Variants in EIF3G observed in about 807,000 individuals in gnomAD.
EIF3G encodes the protein eukaryotic translation initiation factor 3 RNA-binding subunit.
A neutral mutation model predicts 41.7 loss-of-function variants in EIF3G; 10 were observed. The observed-to-expected ratio is 0.24, with a 90% CI of 0.15 to 0.41. The LOEUF (loss-of-function observed/expected upper bound fraction) is 0.41, where lower values mean the gene tolerates loss of function less well. EIF3G is among the 10% of genes least tolerant of loss of function. The pLI is 1.00. For missense variants in EIF3G, 297 were observed against 444.0 expected, an observed-to-expected ratio of 0.67 and a Z score of 2.98; for synonymous variants, 204 against 172.5, an observed-to-expected ratio of 1.18 and a Z score of -1.43.
Position 10,116,116 on chromosome 19 carries a change from C to T in EIF3G, c.596-42G>A. ...AGTCAAGTTCAACCTCACTGTGGCG[C>T]AGGCGTGGGGACAGAGCCGCCCCAG... On this transcript the variant is annotated intron_variant, in intron 7 of 10. Transcript: ENST00000253108. This position sits in a 1 kb window ranked among gnomAD's most constrained non-coding sequence, Gnocchi z 4.1. The T allele has an allele frequency of 6.3e-7, 1 of 1,588,364 alleles. No individual in the cohort carries two copies. The highest frequency in any genetic ancestry group is 8.6e-7 in the Non-Finnish European group (1 of 1,162,474).
In EIF3G at chr19:10,115,050, C is replaced by T. The variant is rs759639591; in HGVS notation, c.*64G>A. ...GAGCTGCTTTATTGCCCTTGGAGCCCGCGCTCTCGGAGGCTGTCTTCTGTC... is the reference window on the plus strand; with the variant it reads ...GAGCTGCTTTATTGCCCTTGGAGCCTGCGCTCTCGGAGGCTGTCTTCTGTC... On this transcript the variant is annotated 3_prime_UTR_variant, in exon 11 of 11. Transcript: ENST00000253108. 9.2e-5 allele frequency: 148 copies of T among 1,608,610 alleles called. 1 individual carries two copies. In the East Asian group the frequency reaches 2.0e-3, roughly 21 times the overall value.
intron 2 of EIF3G, 75 bp from the exon 3 acceptor site, chr19:10,119,246 G>A (rs1206761994): frequency 2.0e-6 from 3 of 1,471,340 alleles, no homozygotes; most frequent in East Asian, 4.9e-5. Flanking sequence ...AAGGGCTTTT[G>A]GGATGACGCC....
At chr19:10,119,231 G>A (rs745668671) in intron 2 of EIF3G, 60 bp from the exon 3 acceptor site, 7 of 1,520,718 alleles carry the variant, frequency 4.6e-6, no homozygotes, top group Non-Finnish European at 6.3e-6. Context: ...CCCCAGCTGC[G>A]ATGGAAGGGC....
chr19:10,117,206 T>C lies in EIF3G; in HGVS notation c.301-18A>G. ...TTCCAGTTCTGGGCTCAGGGAGGGATGGGGGACAGTTGAGGGCAGGGGCAG... is the reference window on the plus strand; with the variant it reads ...TTCCAGTTCTGGGCTCAGGGAGGGACGGGGGACAGTTGAGGGCAGGGGCAG... On this transcript the variant is annotated intron_variant, in intron 5 of 10. Transcript: ENST00000253108. The C allele has an allele frequency of 1.3e-6, 2 of 1,509,954 alleles. No individual in the cohort carries two copies. The highest frequency in any genetic ancestry group is 1.8e-5 in the Admixed American group (1 of 56,880). 93.5% of individuals were successfully genotyped at this position (1,509,954 alleles called of 1,614,324 possible). A position where few individuals can be genotyped will look rare whatever the true frequency, so the allele number is the denominator to read the frequency against.
chr19:10,119,304 G>A (rs992396776), intron 2 of EIF3G, 133 bp from the exon 3 acceptor site: 2 of 1,022,226 alleles, frequency 2.0e-6, no homozygotes, highest in Non-Finnish European at 1.5e-6. Context: ...GGCTGGCCAG[G>A]CAACGCACTG....
intron 1 of EIF3G, 66 bp downstream of exon 1, chr19:10,119,774 G>T: frequency 6.2e-7 from 1 of 1,613,996 alleles, no homozygotes; most frequent in East Asian, 2.2e-5. Flanking sequence ...GCGTACCCAG[G>T]CCCCATAATA....
chr19:10,117,668 G>A (rs1568495935), intron 5 of EIF3G: 1 of 155,932 alleles, frequency 6.4e-6, no homozygotes, highest in African/African-American at 2.4e-5. Context: ...ACAGCAAGCT[G>A]TTCTAAGTAT....
chr19:10,115,629 G>A (rs771915899), intron 9 of EIF3G, 44 bp from the exon 10 acceptor site: 62 of 1,611,384 alleles, frequency 3.8e-5, no homozygotes, highest in African/African-American at 5.3e-5. Context: ...TAGGACAGGC[G>A]ACCCTAGGAC....
At chr19:10,115,845 G>A in intron 8 of EIF3G, 25 bp from the exon 9 acceptor site, 1 of 1,608,826 alleles carries the variant, frequency 6.2e-7, no homozygotes, top group East Asian at 2.2e-5. Context: ...GGAGGTGGCT[G>A]TGAGGGGGAG....
rs759639591 is a variant in EIF3G, at chr19:10,115,050, C to A, written c.*64G>T. 6.2e-7 allele frequency: 1 copy of A among 1,608,484 alleles called. No homozygotes were observed. Among genetic ancestry groups the A allele is most frequent in the African/African-American group, 1.3e-5 (1 of 74,874 alleles). ...GAGCTGCTTTATTGCCCTTGGAGCC[C>A]GCGCTCTCGGAGGCTGTCTTCTGTC... On this transcript the variant is annotated 3_prime_UTR_variant, in exon 11 of 11. Transcript: ENST00000253108.
In EIF3G at chr19:10,116,736, AG is replaced by A; in HGVS notation, c.595+63del. On this transcript the variant is annotated intron_variant, in intron 7 of 10. Transcript: ENST00000253108. This position sits in a 1 kb window ranked among gnomAD's most constrained non-coding sequence, Gnocchi z 4.1. ...GCTGCACTGTCGTGCGGGAGATGAC[AG>A]CACGAAGGCAGCAGTGGGGACAGAA... The A allele has an allele frequency of 6.8e-7, 1 of 1,464,870 alleles. No individual in the cohort carries two copies. The highest frequency in any genetic ancestry group is 9.2e-7 in the Non-Finnish European group (1 of 1,091,126). 90.7% of individuals were successfully genotyped at this position (1,464,870 alleles called of 1,614,324 possible).
At chr19:10,117,366 G>A (rs2089268786) in intron 5 of EIF3G, 178 bp from the exon 6 acceptor site, 1 of 574,094 alleles carries the variant, frequency 1.7e-6, no homozygotes, top group South Asian at 2.3e-5. Flanking sequence ...GTACACGCCA[G>A]GCCTGAGCTC....
At position 10,116,681 on chromosome 19, in the gene EIF3G, C is replaced by T. The variant is rs1045061803; in HGVS notation, c.595+119G>A. The T allele has an allele frequency of 1.4e-5, 15 of 1,054,370 alleles. No homozygotes were observed. In the African/African-American group the frequency reaches 2.1e-4, roughly 14 times the overall value. 65.3% of individuals were successfully genotyped at this position (1,054,370 alleles called of 1,614,324 possible). A position where few individuals can be genotyped will look rare whatever the true frequency, so the allele number is the denominator to read the frequency against. ...ACAGCCAATTAGGAAGGCACAGACGCCCCGAGGAGAGTCTGGCACCATCAA... is the reference window on the plus strand; with the variant it reads ...ACAGCCAATTAGGAAGGCACAGACGTCCCGAGGAGAGTCTGGCACCATCAA... On this transcript the variant is annotated intron_variant, in intron 7 of 10. Coordinates refer to ENST00000253108, the MANE Select transcript of EIF3G (RefSeq NM_003755.5). The surrounding 1 kb of genome is among the most constrained non-coding windows in gnomAD (Gnocchi z 4.1).
chr19:10,117,176 A>ACTT lies in EIF3G; in HGVS notation c.310_312dup (p.Lys104dup). 1 of 1,609,730 alleles carries ACTT rather than the reference A, an allele frequency of 6.2e-7. No individual in the cohort carries two copies. Among genetic ancestry groups the ACTT allele is most frequent in the Non-Finnish European group, 8.5e-7 (1 of 1,177,922 alleles). ...GGGGGGTCAAACTCTGAGTTCCCGA[A>ACTT]CTTCTTCCAGTTCTGGGCTCAGGGA... On this transcript the variant is annotated inframe_insertion, in exon 6 of 11. Coordinates refer to ENST00000253108, the MANE Select transcript of EIF3G (RefSeq NM_003755.5).
chr19:10,119,774 G>A (rs1181411169), intron 1 of EIF3G, 66 bp downstream of exon 1: 2 of 1,613,878 alleles, frequency 1.2e-6, no homozygotes, highest in South Asian at 1.1e-5. Context: ...GCGTACCCAG[G>A]CCCCATAATA....
Position 10,115,014 on chromosome 19 carries a change from T to C in EIF3G, c.*100A>G. On this transcript the variant is annotated 3_prime_UTR_variant, in exon 11 of 11. Transcript: ENST00000253108. ...AGACGCAAGAACAAAAAGAACCAAG[T>C]AGAGAGAGTGGAGCTGCTTTATTGC... is the stretch of plus-strand genomic sequence containing the variant. The C allele has an allele frequency of 1.3e-6, 2 of 1,555,672 alleles. No homozygotes were observed. Among genetic ancestry groups the C allele is most frequent in the Admixed American group, 1.8e-5 (1 of 54,472 alleles).
intron 2 of EIF3G, 193 bp downstream of exon 2, chr19:10,119,461 G>T (rs190806561): frequency 1.3e-6 from 1 of 769,808 alleles, no homozygotes; most frequent in Non-Finnish European, 2.2e-6. Context: ...CAGCTGGGAG[G>T]CAGTGGCATG....
In EIF3G at chr19:10,116,912, C is replaced by T. The variant is rs200081419; in HGVS notation, c.483G>A (p.Lys161=). 28 of 1,613,952 alleles carry T rather than the reference C, an allele frequency of 1.7e-5. No individual in the cohort carries two copies. The East Asian group carries it at 5.8e-4, about 33-fold the overall frequency. The change falls in exon 7 of 11, where the codon AAG becomes AAA. Residue 161 remains lysine (K), a synonymous_variant. Transcript: ENST00000253108. This position sits in a 1 kb window ranked among gnomAD's most constrained non-coding sequence, Gnocchi z 4.1. ...GGCAGCGGGTGGTCCAGTGGTCGCC[C>T]TTGCAGATGCGGCAGGACACGATCT... The part of the protein sequence containing the change: ...GQKIVSCRIC[K]GDHWTTRCPY...
rs1392515005 is a variant in EIF3G, at chr19:10,119,169, T to C, written c.70A>G (p.Lys24Glu). Residue 24 changes from lysine (K) to glutamate (E), a missense_variant and splice_region_variant, in exon 3 of 11, where the codon AAA (lysine) becomes GAA (glutamate). Transcript: ENST00000253108. ...DQVEEEGEDD[K>E]CVTSELLKGI... Reference sequence around the variant, plus strand: ...TTGAGGAGCTCGCTGGTGACACATTTGTCTGCAAAAGGCAGCGTAGGAAGG... The same window carrying C: ...TTGAGGAGCTCGCTGGTGACACATTCGTCTGCAAAAGGCAGCGTAGGAAGG... 2 of 1,579,162 alleles carry C rather than the reference T, an allele frequency of 1.3e-6. No homozygotes were observed. The highest frequency in any genetic ancestry group is 1.7e-6 in the Non-Finnish European group (2 of 1,161,314).
Sources: allele counts gnomAD v4.1 joint callset, GRCh38; gene constraint gnomAD v4.1.1; non-coding constraint Gnocchi (gnomAD v3.1); transcripts MANE v1.5; gene names NCBI Gene and HGNC (gene_info 2026-07-23, HGNC 2026-07-21).